The following CACNA2D3 variants were observed in gnomAD, a reference collection of about 807,000 sequenced individuals.
The protein encoded by CACNA2D3 is voltage-dependent calcium channel subunit alpha-2/delta-3.
A neutral mutation model predicts 160.6 loss-of-function variants in CACNA2D3; 60 were observed. That is an observed-to-expected ratio of 0.37 (90% CI 0.30 to 0.46). The LOEUF (loss-of-function observed/expected upper bound fraction) is 0.46, where lower values mean the gene tolerates loss of function less well. Among genes scored for constraint, CACNA2D3 ranks in the 20% least tolerant of loss-of-function variants. The pLI is 1.00. For missense variants in CACNA2D3, 1,205 were observed against 1,365.0 expected (o/e 0.88, Z 1.85); for synonymous variants, 558 against 492.9 (o/e 1.13, Z -1.75).
At chr3:54,543,550 T>C (rs887138690) in intron 5 of CACNA2D3, among the ~76,000 whole-genome samples, 1 of 152,186 alleles carries the variant, frequency 6.6e-6, no homozygotes, top group Admixed American at 6.5e-5. Context: ...CAGTGAAGAC[T>C]TACTGCAGAA....
intron 2 of CACNA2D3, among the ~76,000 whole-genome samples, chr3:54,187,224 G>A (rs1430789744): frequency 6.6e-6 from 1 of 152,172 alleles, no homozygotes; most frequent in Non-Finnish European, 1.5e-5. Flanking sequence ...CTGTATCTGT[G>A]TCTGGAGGGA....
At chr3:54,864,857 A>G (rs1173033430) in intron 17 of CACNA2D3, among the ~76,000 whole-genome samples, 1 of 152,078 alleles carries the variant, frequency 6.6e-6, no homozygotes, top group Non-Finnish European at 1.5e-5. Flanking sequence ...CTGCACCACG[A>G]TGCTGCTGCC....
chr3:54,890,020 A>T (rs1444340778), intron 24 of CACNA2D3, among the ~76,000 whole-genome samples: 2 of 152,198 alleles, frequency 1.3e-5, no homozygotes, highest in African/African-American at 2.4e-5. Flanking sequence ...GTTTTTATTC[A>T]GCCCTTAAAT....
intron 11 of CACNA2D3, among the ~76,000 whole-genome samples, chr3:54,742,605 C>T (rs112662915): frequency 2.6e-5 from 4 of 152,216 alleles, no homozygotes; most frequent in Non-Finnish European, 4.4e-5. Flanking sequence ...GCCGTCTGTC[C>T]ACTGTTACAA....
intron 4 of CACNA2D3, among the ~76,000 whole-genome samples, chr3:54,484,241 A>G (rs1245390544): frequency 6.6e-6 from 1 of 152,220 alleles, no homozygotes; most frequent in African/African-American, 2.4e-5. Flanking sequence ...AAAATTCTAA[A>G]TATGTCTAGA....
intron 35 of CACNA2D3, among the ~76,000 whole-genome samples, chr3:55,022,567 TTTCC>T (rs72170562): frequency 0.4 from 57,814 of 143,478 alleles, 12,795 homozygotes; most frequent in African/African-American, 0.61. Flanking sequence ...TCTTTCTTTC[TTTCC>T]TTCCTTCCTT....
At chr3:54,819,722 A>G (rs1222483627) in intron 14 of CACNA2D3, among the ~76,000 whole-genome samples, 4 of 152,026 alleles carry the variant, frequency 2.6e-5, no homozygotes, top group Non-Finnish European at 2.9e-5. Context: ...GCGCACACCT[A>G]TAGTCCCAGC....
At chr3:55,022,386 A>G (rs1024085594) in intron 35 of CACNA2D3, among the ~76,000 whole-genome samples, 15 of 152,092 alleles carry the variant, frequency 9.9e-5, no homozygotes, top group Non-Finnish European at 1.6e-4. Flanking sequence ...TAAACAGAAT[A>G]TAGCTGGATT....
intron 2 of CACNA2D3, among the ~76,000 whole-genome samples, chr3:54,238,191 C>T (rs928798390): frequency 2.6e-5 from 4 of 152,230 alleles, no homozygotes; most frequent in Non-Finnish European, 5.9e-5. Flanking sequence ...CCATATCATT[C>T]TTCCTCACTG....
At chr3:54,162,284 G>T (rs1700360159) in intron 2 of CACNA2D3, among the ~76,000 whole-genome samples, 1 of 152,176 alleles carries the variant, frequency 6.6e-6, no homozygotes. Context: ...GACACGGGAG[G>T]GGTGGCCTGT....
chr3:54,807,142 G>T (rs979921174), intron 13 of CACNA2D3, among the ~76,000 whole-genome samples: 1 of 152,124 alleles, frequency 6.6e-6, no homozygotes, highest in Non-Finnish European at 1.5e-5. Flanking sequence ...ACATAGGCAT[G>T]GGCAAGGACT....
intron 27 of CACNA2D3, among the ~76,000 whole-genome samples, chr3:54,951,282 A>C (rs1040136532): frequency 6.6e-6 from 1 of 152,204 alleles, no homozygotes; most frequent in Non-Finnish European, 1.5e-5. Context: ...ATCCTGCCAG[A>C]TACCTCTGTA....
intron 2 of CACNA2D3, among the ~76,000 whole-genome samples, chr3:54,130,288 C>G (rs941846314): frequency 6.6e-6 from 1 of 152,148 alleles, no homozygotes; most frequent in African/African-American, 2.4e-5. Flanking sequence ...CACCTTTGTT[C>G]CATCTCCAAT....
At chr3:54,664,878 T>A (rs1700035698) in intron 11 of CACNA2D3, among the ~76,000 whole-genome samples, 1 of 152,200 alleles carries the variant, frequency 6.6e-6, no homozygotes, top group Admixed American at 6.5e-5. Context: ...CATATGGGGC[T>A]TTAGCTGGAA....
Position 54,894,711 on chromosome 3 carries a change from C to T in CACNA2D3, c.2247-2038C>T, listed in dbSNP as rs562708727. 1.1e-3 allele frequency: 549 copies of T among 477,830 alleles called. 1 individual carries two copies. Among genetic ancestry groups the T allele is most frequent in the Non-Finnish European group, 1.9e-3 (445 of 238,758 alleles). 29.6% of individuals were successfully genotyped at this position (477,830 alleles called of 1,614,324 possible). A position where few individuals can be genotyped will look rare whatever the true frequency, so the allele number is the denominator to read the frequency against. On this transcript the variant is annotated intron_variant, in intron 25 of 37. Coordinates refer to ENST00000474759, the MANE Select transcript of CACNA2D3 (RefSeq NM_018398.3). ...CCTGCCATGGGCCAGGCAACAGAGG[C>T]TCCTCCTCACACCGTCCAGGTCAGG...
chr3:54,880,703 A>G, intron 20 of CACNA2D3, 93 bp from the exon 21 acceptor site: 1 of 1,079,054 alleles, frequency 9.3e-7, no homozygotes, highest in Non-Finnish European at 1.4e-6. Flanking sequence ...ATAAAATGGA[A>G]ATGTGAAAAA....
intron 2 of CACNA2D3, among the ~76,000 whole-genome samples, chr3:54,288,404 C>T (rs1470784855): frequency 1.3e-5 from 2 of 152,192 alleles, no homozygotes; most frequent in African/African-American, 2.4e-5. Context: ...AGACCAATAA[C>T]AGGATCTGAA....
chr3:54,467,845 A>G (rs992312054), intron 4 of CACNA2D3, among the ~76,000 whole-genome samples: 4 of 152,216 alleles, frequency 2.6e-5, no homozygotes, highest in African/African-American at 9.6e-5. Context: ...GACATATTCT[A>G]TATTTCAAAG....
At chr3:54,359,088 T>G (rs1429943072) in intron 3 of CACNA2D3, among the ~76,000 whole-genome samples, 1 of 152,102 alleles carries the variant, frequency 6.6e-6, no homozygotes, top group Non-Finnish European at 1.5e-5. Context: ...AGAAATGACC[T>G]CTTATTAAAC....
Sources: allele counts gnomAD v4.1 joint callset (sites outside exome capture counted in the v4.1 genomes callset), GRCh38; gene constraint gnomAD v4.1.1; transcripts MANE v1.5; gene names NCBI Gene and HGNC (gene_info 2026-07-23, HGNC 2026-07-21).